TNNI3K: variants seen among roughly 807,000 people sequenced by gnomAD.
TNNI3K encodes the protein serine/threonine-protein kinase TNNI3K.
A neutral mutation model predicts 114.5 loss-of-function variants in TNNI3K; 140 were observed. The observed-to-expected ratio is 1.22, with a 90% confidence interval of 1.07 to 1.41. The LOEUF (loss-of-function observed/expected upper bound fraction) is 1.41, where lower values mean the gene tolerates loss of function less well. TNNI3K is among the 40% of genes most tolerant of loss of function. The pLI is 0.00. For synonymous variants in TNNI3K, 347 were observed against 347.5 expected (o/e 1.00, Z 0.02); for missense variants, 1,125 against 1,007.6 (o/e 1.12, Z -1.58).
intron 5 of TNNI3K, among the ~76,000 whole-genome samples, chr1:74,307,233 G>A (rs1337634363): frequency 6.6e-6 from 1 of 152,158 alleles, no homozygotes; most frequent in Admixed American, 6.5e-5. Context: ...AGACTGTAGA[G>A]CAACTAGCTG....
intron 2 of TNNI3K, among the ~76,000 whole-genome samples, chr1:74,238,439 TATC>T (rs2100824070): frequency 6.6e-6 from 1 of 152,164 alleles, no homozygotes; most frequent in South Asian, 2.1e-4. Flanking sequence ...AAATTTCTAT[TATC>T]ATGATTGATT....
chr1:74,373,078 G>A (rs541364086), intron 17 of TNNI3K: 7 of 151,932 alleles, frequency 4.6e-5, no homozygotes, highest in Admixed American at 2.6e-4. Flanking sequence ...TCAGATGCAT[G>A]CATATGTAGC....
chr1:74,286,899 A>G (rs1002753031), intron 5 of TNNI3K, among the ~76,000 whole-genome samples: 1 of 152,164 alleles, frequency 6.6e-6, no homozygotes, highest in African/African-American at 2.4e-5. Context: ...AAGGAAATGA[A>G]GATTTCTGAA....
Position 74,353,320 on chromosome 1 carries a change from TG to T in TNNI3K, c.988del (p.Val330SerfsTer2). The T allele has an allele frequency of 1.2e-6, 2 of 1,613,888 alleles. No homozygotes were observed. Among genetic ancestry groups the T allele is most frequent in the Non-Finnish European group, 1.7e-6 (2 of 1,179,946 alleles). On this transcript the variant is annotated frameshift_variant, in exon 10 of 25. Coordinates refer to ENST00000326637, the MANE Select transcript of TNNI3K (RefSeq NM_015978.3). LOFTEE classifies it high-confidence loss of function. ...DLVKFLLDQN[V>X]ININHQGRDG... is the part of the protein sequence containing the mutation. The stretch of plus-strand genomic sequence containing the variant: ...TAGTCAAATTTCTTCTTGATCAGAA[TG>T]TCATAAACATCAACCACCAAGGAAG...
intron 17 of TNNI3K, among the ~76,000 whole-genome samples, chr1:74,403,166 C>T (rs1664455373): frequency 6.6e-6 from 1 of 152,002 alleles, no homozygotes; most frequent in Non-Finnish European, 1.5e-5. Flanking sequence ...AAAAAGTGAC[C>T]CATAATTCTG....
intron 19 of TNNI3K, 59 bp from the exon 20 acceptor site, chr1:74,439,431 T>C (rs1207303636): frequency 1.3e-6 from 2 of 1,586,244 alleles, no homozygotes; most frequent in Non-Finnish European, 8.6e-7. Flanking sequence ...AGAATGCTAC[T>C]CTGCAGTGGA....
chr1:74,391,960 T>A (rs12759652), intron 17 of TNNI3K, among the ~76,000 whole-genome samples: 3,433 of 102,178 alleles, frequency 0.034, 151 homozygotes, highest in African/African-American at 0.14. Context: ...GCTTATTATT[T>A]TTTTTTTTTT....
chr1:74,500,318 T>G (rs1669544761), intron 23 of TNNI3K, among the ~76,000 whole-genome samples: 2 of 152,068 alleles, frequency 1.3e-5, no homozygotes. Context: ...TAGTATCATT[T>G]TTCTTTTCCA....
chr1:74,352,941 T>C (rs1344592689), intron 9 of TNNI3K, among the ~76,000 whole-genome samples: 1 of 152,198 alleles, frequency 6.6e-6, no homozygotes, highest in Non-Finnish European at 1.5e-5. Flanking sequence ...CTCGCCCTAC[T>C]TCGGCTCAGG....
At chr1:74,434,866 G>C (rs970855520) in intron 17 of TNNI3K, among the ~76,000 whole-genome samples, 2 of 152,002 alleles carry the variant, frequency 1.3e-5, no homozygotes, top group African/African-American at 4.8e-5. Flanking sequence ...AAGTTCAAAA[G>C]TAACTTTTTT....
intron 17 of TNNI3K, among the ~76,000 whole-genome samples, chr1:74,435,781 C>T (rs1666094927): frequency 6.6e-6 from 1 of 151,938 alleles, no homozygotes; most frequent in African/African-American, 2.4e-5. Context: ...GCAAATGAGC[C>T]TCAAGGAGCT....
At chr1:74,296,223 C>T (rs920032589) in intron 5 of TNNI3K, among the ~76,000 whole-genome samples, 25 of 150,730 alleles carry the variant, frequency 1.7e-4, no homozygotes, top group African/African-American at 4.2e-4. Context: ...TTGCAGTGAG[C>T]GGAGATCGCG....
chr1:74,361,318 T>TA (rs1218925245), intron 11 of TNNI3K, among the ~76,000 whole-genome samples: 1 of 152,086 alleles, frequency 6.6e-6, no homozygotes, highest in Non-Finnish European at 1.5e-5. Flanking sequence ...TCCTGACTCT[T>TA]CCAGACTGTT....
intron 4 of TNNI3K, among the ~76,000 whole-genome samples, chr1:74,264,222 T>A (rs1655839215): frequency 6.6e-6 from 1 of 151,890 alleles, no homozygotes; most frequent in Non-Finnish European, 1.5e-5. Context: ...CTGAAACTCT[T>A]AAAAACTGAT....
intron 17 of TNNI3K, among the ~76,000 whole-genome samples, chr1:74,428,553 C>A (rs551509979): frequency 6.6e-6 from 1 of 152,160 alleles, no homozygotes; most frequent in Non-Finnish European, 1.5e-5. Flanking sequence ...CCATAGGCTT[C>A]ATTTATCTTG....
At chr1:74,269,828 C>A (rs1056253034) in intron 4 of TNNI3K, among the ~76,000 whole-genome samples, 1 of 151,728 alleles carries the variant, frequency 6.6e-6, no homozygotes, top group South Asian at 2.1e-4. Context: ...ATAATAATTA[C>A]CAAAGTGGCA....
At chr1:74,400,044 T>C (rs969574931) in intron 17 of TNNI3K, among the ~76,000 whole-genome samples, 2 of 152,214 alleles carry the variant, frequency 1.3e-5, no homozygotes, top group Non-Finnish European at 2.9e-5. Flanking sequence ...GGGTGAGCCA[T>C]TCTTCCAAAA....
intron 21 of TNNI3K, among the ~76,000 whole-genome samples, chr1:74,485,666 G>A (rs968561214): frequency 1.3e-5 from 2 of 152,166 alleles, no homozygotes; most frequent in Non-Finnish European, 2.9e-5. Context: ...ACCTAACTGG[G>A]TGAGCCCTTC....
At chr1:74,410,458 C>T (rs1368933632) in intron 17 of TNNI3K, among the ~76,000 whole-genome samples, 1 of 152,184 alleles carries the variant, frequency 6.6e-6, no homozygotes, top group Non-Finnish European at 1.5e-5. Flanking sequence ...ATTTTCATAA[C>T]ACAAATGTGT....
Sources: gnomAD v4.1 joint callset for allele counts (sites outside exome capture counted in the v4.1 genomes callset) on GRCh38, gnomAD v4.1.1 for gene constraint, MANE v1.5 for transcripts, NCBI Gene and HGNC (gene_info 2026-07-23, HGNC 2026-07-21) for gene names.